The following SEC24B variants were observed in gnomAD, a reference collection of about 807,000 sequenced individuals.
SEC24B encodes SEC24 homolog B, COPII component.
Under a neutral mutation model 142.8 loss-of-function variants are expected in SEC24B, and 45 were observed. The ratio of observed to expected loss-of-function variants is 0.32; its 90% CI spans 0.25 to 0.40. The LOEUF (loss-of-function observed/expected upper bound fraction) is 0.40, where lower values mean the gene tolerates loss of function less well. Ranked by LOEUF, SEC24B falls within the 10% of genes least tolerant of loss-of-function variation. SEC24B has a pLI of 1.00. For synonymous variants in SEC24B, 574 were observed against 568.2 expected (o/e 1.01, Z -0.15); for missense variants, 1,409 against 1,526.8 (o/e 0.92, Z 1.29).
intron 6 of SEC24B, among the ~76,000 whole-genome samples, chr4:109,500,816 G>C (rs958882180): frequency 6.6e-6 from 1 of 151,754 alleles, no homozygotes. Context: ...CCAGTACCAC[G>C]CCCGGCTAAT....
chr4:109,456,337 T>TTG (rs1553995189), intron 1 of SEC24B, among the ~76,000 whole-genome samples: 1 of 148,752 alleles, frequency 6.7e-6, no homozygotes, highest in African/African-American at 2.5e-5. Flanking sequence ...TTTTTTTGTT[T>TTG]TTTTTTTTTT....
intron 1 of SEC24B, among the ~76,000 whole-genome samples, chr4:109,442,768 CT>C (rs1729062080): frequency 6.6e-5 from 10 of 151,870 alleles, no homozygotes; most frequent in Admixed American, 6.6e-4. Flanking sequence ...TCATTTTTTT[CT>C]TTTTAAACAA....
intron 3 of SEC24B, among the ~76,000 whole-genome samples, chr4:109,474,996 T>C (rs534827646): frequency 6.6e-6 from 1 of 152,286 alleles, no homozygotes; most frequent in South Asian, 2.1e-4. Flanking sequence ...TGACAGAGGT[T>C]AGGTAACTTG....
intron 2 of SEC24B, among the ~76,000 whole-genome samples, chr4:109,465,289 G>A (rs1731747982): frequency 6.6e-6 from 1 of 152,216 alleles, no homozygotes; most frequent in Non-Finnish European, 1.5e-5. Flanking sequence ...GGCACAGATT[G>A]TGATATTCAA....
chr4:109,526,332 T>A lies in SEC24B; in HGVS notation c.2898T>A (p.Ile966=). ...PDAGFAVQLS[I]EESLTDTSLV... ...CTGGATTTGCGGTGCAGTTGTCAATTGAAGAAAGTTTAACAGATACTTCCT... is the reference window on the plus strand; with the variant it reads ...CTGGATTTGCGGTGCAGTTGTCAATAGAAGAAAGTTTAACAGATACTTCCT... The change falls in exon 17 of 24, where the codon ATT becomes ATA. Residue 966 remains isoleucine, a synonymous_variant. Coordinates refer to ENST00000265175, the MANE Select transcript of SEC24B (RefSeq NM_006323.5). The A allele has an allele frequency of 6.2e-7, 1 of 1,614,010 alleles. No homozygotes were observed. Among genetic ancestry groups the A allele is most frequent in the Non-Finnish European group, 8.5e-7 (1 of 1,179,908 alleles).
chr4:109,472,513 A>G (rs1732630006), intron 2 of SEC24B, among the ~76,000 whole-genome samples: 2 of 152,204 alleles, frequency 1.3e-5, no homozygotes, highest in African/African-American at 4.8e-5. Context: ...AGCAGTTTAC[A>G]GTGCAAAATG....
At chr4:109,448,410 T>C (rs934987185) in intron 1 of SEC24B, among the ~76,000 whole-genome samples, 2 of 152,202 alleles carry the variant, frequency 1.3e-5, no homozygotes, top group Non-Finnish European at 2.9e-5. Context: ...TTAAAAACTT[T>C]ATTTTGCAAT....
Position 109,481,801 on chromosome 4 carries a change from C to T in SEC24B, c.1165+20C>T, listed in dbSNP as rs1733770954. On this transcript the variant is annotated intron_variant, in intron 4 of 23. Transcript: ENST00000265175. ...AAGCAGGTCTGCTTTAGCTTTACAC[C>T]AGTTCTTGATCTTTTCCTGCTCAAG... 1.3e-6 allele frequency: 2 copies of T among 1,566,504 alleles called. No individual in the cohort carries two copies. The highest frequency in any genetic ancestry group is 1.8e-6 in the Non-Finnish European group (2 of 1,138,606).
Position 109,506,295 on chromosome 4 carries a change from GTTC to G in SEC24B, c.1489-30_1489-28del, listed in dbSNP as rs771614347. On this transcript the variant is annotated intron_variant, in intron 6 of 23. Transcript: ENST00000265175. ...TAAGAAAATTTATTTATGTTTTATT[GTTC>G]TTTTATTTTGTTTTGAATTGCTCTT... 4.2e-6 allele frequency: 6 copies of G among 1,422,134 alleles called. No homozygotes were observed. The Admixed American group carries it at 1.6e-4, about 37-fold the overall frequency. The allele number at this position is 1,422,134 out of a possible 1,614,324, so 88.1% of individuals were successfully genotyped here.
intron 7 of SEC24B, among the ~76,000 whole-genome samples, chr4:109,508,398 C>A (rs1736950907): frequency 6.6e-6 from 1 of 151,898 alleles, no homozygotes; most frequent in Non-Finnish European, 1.5e-5. Flanking sequence ...AACCCCTTCT[C>A]CTCCAAAAAA....
intron 23 of SEC24B, 72 bp downstream of exon 23, chr4:109,538,668 CAA>C: frequency 1.1e-6 from 1 of 913,410 alleles, no homozygotes; most frequent in African/African-American, 1.6e-5. Flanking sequence ...GTCTTCAAAG[CAA>C]ACTTTAAATA....
At position 109,539,760 on chromosome 4, in the gene SEC24B, A is replaced by C; in HGVS notation, c.*85A>C. 1 of 883,734 alleles carries C rather than the reference A, an allele frequency of 1.1e-6. No individual in the cohort carries two copies. The highest frequency in any genetic ancestry group is 1.8e-6 in the Non-Finnish European group (1 of 553,352). The allele number at this position is 883,734 out of a possible 1,614,324, so 54.7% of individuals were successfully genotyped here. A position where few individuals can be genotyped will look rare whatever the true frequency, so the allele number is the denominator to read the frequency against. ...AGAAGCGCGTGAGAAATTTGAAATG[A>C]AGGCATTTGTTAATACAAGATGCAA... On this transcript the variant is annotated 3_prime_UTR_variant, in exon 24 of 24. Transcript: ENST00000265175.
chr4:109,485,257 G>A (rs1360930968), intron 4 of SEC24B, among the ~76,000 whole-genome samples: 1 of 152,198 alleles, frequency 6.6e-6, no homozygotes, highest in Non-Finnish European at 1.5e-5. Flanking sequence ...CAACAATTCT[G>A]CAAGGCAGAA....
chr4:109,475,229 A>AGAAT (rs1204357648), intron 3 of SEC24B, among the ~76,000 whole-genome samples: 1 of 152,176 alleles, frequency 6.6e-6, no homozygotes, highest in African/African-American at 2.4e-5. Context: ...CATAAGTAGG[A>AGAAT]GAATGGCCTC....
At chr4:109,508,089 C>A (rs1413111547) in intron 7 of SEC24B, among the ~76,000 whole-genome samples, 1 of 152,154 alleles carries the variant, frequency 6.6e-6, no homozygotes, top group Non-Finnish European at 1.5e-5. Flanking sequence ...TTCCACTGTA[C>A]CATCCACACA....
intron 6 of SEC24B, among the ~76,000 whole-genome samples, chr4:109,503,973 T>G (rs1188360110): frequency 1.3e-5 from 2 of 152,026 alleles, no homozygotes; most frequent in African/African-American, 2.4e-5. Flanking sequence ...TTTTGGGGGG[T>G]TTTCTGTTAT....
chr4:109,532,474 G>A (rs1429458652), intron 20 of SEC24B, among the ~76,000 whole-genome samples, 165 bp from the exon 21 acceptor site: 1 of 152,128 alleles, frequency 6.6e-6, no homozygotes, highest in African/African-American at 2.4e-5. Context: ...ATTTGAGTGT[G>A]TTGATTCTAC....
At chr4:109,507,037 A>G (rs190681792) in intron 7 of SEC24B, among the ~76,000 whole-genome samples, 1 of 152,122 alleles carries the variant, frequency 6.6e-6, no homozygotes, top group Admixed American at 6.5e-5. Flanking sequence ...TTAATAGAGA[A>G]GTTTAGCTGG....
chr4:109,446,064 A>G (rs747708216), intron 1 of SEC24B, among the ~76,000 whole-genome samples: 4 of 151,866 alleles, frequency 2.6e-5, no homozygotes, highest in Non-Finnish European at 5.9e-5. Flanking sequence ...TGAAATCATA[A>G]TATAGTTGTG....
Sources: gnomAD v4.1 joint callset for allele counts (sites outside exome capture counted in the v4.1 genomes callset) on GRCh38, gnomAD v4.1.1 for gene constraint, MANE v1.5 for transcripts, NCBI Gene and HGNC (gene_info 2026-07-23, HGNC 2026-07-21) for gene names.